Variants in ZWILCH observed in about 807,000 individuals in gnomAD.
The protein encoded by ZWILCH is zwilch kinetochore protein.
ZWILCH carries 74 observed loss-of-function variants against 79.9 expected under a neutral mutation model. The ratio of observed to expected loss-of-function variants is 0.93; its 90% CI spans 0.77 to 1.12. The LOEUF (loss-of-function observed/expected upper bound fraction) is 1.12. Among genes scored for constraint, ZWILCH ranks in the 50% most tolerant of loss-of-function variants. The pLI is 0.00. For missense variants in ZWILCH, 694 were observed against 687.5 expected, an observed-to-expected ratio of 1.01 and a Z score of -0.11; for synonymous variants, 241 against 228.2, an observed-to-expected ratio of 1.06 and a Z score of -0.51.
At chr15:66,512,479 T>A (rs1224594452) in intron 2 of ZWILCH, among the ~76,000 whole-genome samples, 1 of 152,008 alleles carries the variant, frequency 6.6e-6, no homozygotes, top group African/African-American at 2.4e-5. Context: ...CTCAAATTCC[T>A]GGCCTCAAAC....
chr15:66,509,809 G>A (rs1182000348), intron 2 of ZWILCH, among the ~76,000 whole-genome samples: 1 of 134,982 alleles, frequency 7.4e-6, no homozygotes, highest in African/African-American at 2.8e-5. Flanking sequence ...ATAATTATGT[G>A]TGTGTGTGGC....
At chr15:66,545,350 G>A (rs112017839) in intron 17 of ZWILCH, among the ~76,000 whole-genome samples, 4,942 of 152,092 alleles carry the variant, frequency 0.032, 119 homozygotes, top group Middle Eastern at 0.051. Flanking sequence ...GCAAAATTCT[G>A]TCTCCAAAAA....
intron 1 of ZWILCH, among the ~76,000 whole-genome samples, chr15:66,508,358 A>G (rs541406657): frequency 5.3e-5 from 8 of 152,376 alleles, no homozygotes; most frequent in Non-Finnish European, 7.3e-5. Flanking sequence ...GTAACAAGTT[A>G]TAAAAATGGA....
intron 10 of ZWILCH, 113 bp downstream of exon 10, chr15:66,528,025 AT>A (rs1297972032): frequency 1.4e-6 from 1 of 697,614 alleles, no homozygotes; most frequent in African/African-American, 1.9e-5. Flanking sequence ...TCAAGGCAGC[AT>A]TTAAGGGGAA....
intron 12 of ZWILCH, among the ~76,000 whole-genome samples, chr15:66,531,983 C>T (rs1262356098): frequency 1.3e-5 from 2 of 152,054 alleles, no homozygotes; most frequent in Non-Finnish European, 2.9e-5. Context: ...AGGAGAATTG[C>T]TTGAACCTGG....
intron 17 of ZWILCH, among the ~76,000 whole-genome samples, chr15:66,542,777 G>C (rs951518474): frequency 6.6e-6 from 1 of 152,008 alleles, no homozygotes; most frequent in Non-Finnish European, 1.5e-5. Flanking sequence ...AAGATTGCTT[G>C]AGCTCAAGAG....
chr15:66,546,730 C>G, intron 18 of ZWILCH, 25 bp downstream of exon 18: 1 of 1,342,218 alleles, frequency 7.5e-7, no homozygotes, highest in South Asian at 1.4e-5. Context: ...ATTTTAGTCT[C>G]TTTGTCAAAT....
chr15:66,514,076 A>C lies in ZWILCH; in HGVS notation c.194A>C (p.Glu65Ala), dbSNP rs1894168062. 1 of 1,603,932 alleles carries C rather than the reference A, an allele frequency of 6.2e-7. No homozygotes were observed. The highest frequency in any genetic ancestry group is 8.5e-7 in the Non-Finnish European group (1 of 1,174,770). Residue 65 changes from glutamate to alanine, a missense_variant, in exon 3 of 19, where the codon GAA becomes GCA. By Grantham distance (107) the Glu-to-Ala change is moderately radical. Coordinates refer to ENST00000307897, the MANE Select transcript of ZWILCH (RefSeq NM_017975.5). ...LNENDIVFIVEKVPLEKEETS... is the reference protein window; with the variant it reads ...LNENDIVFIVAKVPLEKEETS... ...GAAAATGACATAGTATTCATAGTGG[A>C]AAAAGTGGTAAGTACTGGTTTGACT...
At chr15:66,535,739 G>A (rs974748907) in intron 14 of ZWILCH, among the ~76,000 whole-genome samples, 194 bp from the exon 15 acceptor site, 1 of 149,736 alleles carries the variant, frequency 6.7e-6, no homozygotes, top group Admixed American at 6.6e-5. Flanking sequence ...ACTGTTGTAT[G>A]GTGCATGACT....
Position 66,521,206 on chromosome 15 carries a change from G to C in ZWILCH, c.747+1G>C. The C allele has an allele frequency of 1.2e-6, 2 of 1,609,416 alleles. No individual in the cohort carries two copies. The highest frequency in any genetic ancestry group is 1.7e-6 in the Non-Finnish European group (2 of 1,179,898). ...TCCACTCTCTTCAACTGCAACTCTG[G>C]TAAGAGTGGGCCCTATTTCCTTTTC... On this transcript the variant is annotated splice_donor_variant, in intron 7 of 18. Coordinates refer to ENST00000307897, the MANE Select transcript of ZWILCH (RefSeq NM_017975.5). LOFTEE classifies it high-confidence loss of function.
Position 66,536,081 on chromosome 15 carries a change from T to C in ZWILCH, c.1478+12T>C. On this transcript the variant is annotated intron_variant, in intron 15 of 18. Transcript: ENST00000307897. ...TTTTCTTTAACACAGTAAGTACATCTGTATTCTTCACTTATATAGAAATGT... is the reference window on the plus strand; with the variant it reads ...TTTTCTTTAACACAGTAAGTACATCCGTATTCTTCACTTATATAGAAATGT... 1 of 1,586,504 alleles carries C rather than the reference T, an allele frequency of 6.3e-7. No homozygotes were observed. Among genetic ancestry groups the C allele is most frequent in the Non-Finnish European group, 8.6e-7 (1 of 1,169,000 alleles).
chr15:66,530,776 G>A (rs994540103), intron 12 of ZWILCH, among the ~76,000 whole-genome samples: 9 of 152,188 alleles, frequency 5.9e-5, no homozygotes, highest in Non-Finnish European at 1.3e-4. Context: ...TAGGTAATAT[G>A]ACTACCAATT....
At position 66,533,193 on chromosome 15, in the gene ZWILCH, A is replaced by G. The variant is rs539466561; in HGVS notation, c.1341+180A>G. ...GATAGACAAAAAAGTAGCCCATTCA[A>G]TGTCATTTCTCACTCTCTATAAATT... On this transcript the variant is annotated intron_variant, in intron 14 of 18. Coordinates refer to ENST00000307897, the MANE Select transcript of ZWILCH (RefSeq NM_017975.5). 5.9e-5 allele frequency among the ~76,000 whole-genome samples: 9 copies of G among 152,240 alleles called. No individual in the cohort carries two copies. The South Asian group carries it at 1.9e-3, about 32-fold the overall frequency.
At chr15:66,507,956 GAC>G (rs1196036102) in intron 1 of ZWILCH, among the ~76,000 whole-genome samples, 1 of 138,288 alleles carries the variant, frequency 7.2e-6, no homozygotes, top group Non-Finnish European at 1.6e-5. Context: ...AAAAAAAAAA[GAC>G]TGATTAAATA....
At chr15:66,515,800 A>G (rs1334129209) in intron 4 of ZWILCH, among the ~76,000 whole-genome samples, 156 bp downstream of exon 4, 1 of 152,194 alleles carries the variant, frequency 6.6e-6, no homozygotes, top group East Asian at 1.9e-4. Flanking sequence ...TTCTACTTGA[A>G]TATTTGATAG....
At chr15:66,539,859 A>G (rs1410689607) in intron 16 of ZWILCH, among the ~76,000 whole-genome samples, 1 of 151,646 alleles carries the variant, frequency 6.6e-6, no homozygotes, top group Non-Finnish European at 1.5e-5. Context: ...TCCTCTCTTC[A>G]GTTTTCCCCT....
chr15:66,513,611 C>G (rs1894148510), intron 2 of ZWILCH, among the ~76,000 whole-genome samples: 1 of 151,080 alleles, frequency 6.6e-6, no homozygotes, highest in Non-Finnish European at 1.5e-5. Context: ...TCACTCTGTC[C>G]CCCAGGCTGG....
chr15:66,528,192 C>T (rs545631401), intron 10 of ZWILCH, among the ~76,000 whole-genome samples: 5 of 152,326 alleles, frequency 3.3e-5, no homozygotes, highest in African/African-American at 1.2e-4. Context: ...CAGCTTTGAC[C>T]TCCAGGGCTC....
chr15:66,522,361 C>T (rs1432702511), intron 7 of ZWILCH, among the ~76,000 whole-genome samples: 33 of 145,208 alleles, frequency 2.3e-4, no homozygotes, highest in African/African-American at 8.6e-4. Context: ...TGGGGCGGAG[C>T]CTCGCTCTGT....
Sources: gnomAD v4.1 joint callset for allele counts (sites outside exome capture counted in the v4.1 genomes callset) on GRCh38, gnomAD v4.1.1 for gene constraint, MANE v1.5 for transcripts, NCBI Gene and HGNC (gene_info 2026-07-23, HGNC 2026-07-21) for gene names.